SPRY3: variants seen among roughly 807,000 people sequenced by gnomAD.
The protein encoded by SPRY3 is sprouty RTK signaling antagonist 3, also known as protein sprouty homolog 3.
In SPRY3, 15 loss-of-function variants were observed where a neutral mutation model predicts 20.2. That is an observed-to-expected ratio of 0.74 (90% CI 0.50 to 1.14). The LOEUF (loss-of-function observed/expected upper bound fraction) is 1.14. Ranked by LOEUF, SPRY3 falls within the 50% of genes most tolerant of loss-of-function variation. The pLI is 0.00. For synonymous variants in SPRY3, 143 were observed against 136.5 expected (o/e 1.05, Z -0.33); for missense variants, 364 against 363.9 (o/e 1.00, Z 0.00).
intron 2 of SPRY3, among the ~76,000 whole-genome samples, chrX:155,731,615 A>G (rs775912513): frequency 6.6e-6 from 1 of 152,212 alleles, no homozygotes; most frequent in East Asian, 1.9e-4. Flanking sequence ...TTCTTAAGTC[A>G]TATCCCACAA....
chrX:155,639,034 C>T (rs1346356404), intron 1 of SPRY3, among the ~76,000 whole-genome samples: 1 of 111,650 alleles, frequency 9.0e-6, no homozygotes, highest in East Asian at 2.8e-4. Flanking sequence ...ACTGCTTCCT[C>T]CTTTTGTCCC....
At chrX:155,666,537 A>C (rs2068025051) in intron 2 of SPRY3, among the ~76,000 whole-genome samples, 1 of 111,380 alleles carries the variant, frequency 9.0e-6, no homozygotes, top group Non-Finnish European at 1.9e-5. Flanking sequence ...GGGAAGCAGA[A>C]GCGTAAACAG....
At chrX:155,778,757 AT>A (rs2091445312), downstream of SPRY3, 1 of 167,038 alleles carries the variant, frequency 6.0e-6, no homozygotes, top group Non-Finnish European at 1.5e-5. Context: ...CAATGTCAAC[AT>A]TTTATAGCTG....
At chrX:155,752,636 A>G (rs1220506976) in intron 2 of SPRY3, among the ~76,000 whole-genome samples, 4 of 151,876 alleles carry the variant, frequency 2.6e-5, no homozygotes, top group African/African-American at 7.2e-5. Flanking sequence ...AATGAGACAT[A>G]TAAATAGCCA....
intron 1 of SPRY3, among the ~76,000 whole-genome samples, chrX:155,620,196 A>T (rs977646756): frequency 9.0e-6 from 1 of 111,504 alleles, no homozygotes; most frequent in Middle Eastern, 4.2e-3. Flanking sequence ...TCTTAGTTAA[A>T]CACACTTTAG....
At chrX:155,680,586 A>G (rs2068071699) in intron 2 of SPRY3, among the ~76,000 whole-genome samples, 1 of 111,418 alleles carries the variant, frequency 9.0e-6, no homozygotes. Context: ...GGCAGGAAAG[A>G]GATGATCAGT....
At chrX:155,654,792 T>C (rs2067987322) in intron 1 of SPRY3, among the ~76,000 whole-genome samples, 1 of 109,503 alleles carries the variant, frequency 9.1e-6, no homozygotes, top group African/African-American at 3.3e-5. Flanking sequence ...GTTGATTCCA[T>C]GACTTTGCTA....
At chrX:155,776,341 A>C (rs1194830139) in exon 4 of SPRY3, 2 of 167,062 alleles carry the variant, frequency 1.2e-5, no homozygotes, top group Non-Finnish European at 2.9e-5. Context: ...TGCTGCACAC[A>C]CTGTGCTTGC....
At chrX:155,687,275 A>C (rs1388292521) in intron 2 of SPRY3, among the ~76,000 whole-genome samples, 1 of 112,738 alleles carries the variant, frequency 8.9e-6, no homozygotes, top group African/African-American at 3.2e-5. Flanking sequence ...TTGATCAGGC[A>C]ATGTGCCAAG....
intron 2 of SPRY3, among the ~76,000 whole-genome samples, chrX:155,687,326 C>T (rs749581382): frequency 7.4e-4 from 83 of 112,822 alleles, no homozygotes; most frequent in Non-Finnish European, 1.1e-3. Flanking sequence ...GACATGCTTG[C>T]TTTCCTTTCT....
At chrX:155,732,703 T>G (rs1343271773) in intron 2 of SPRY3, among the ~76,000 whole-genome samples, 2 of 152,080 alleles carry the variant, frequency 1.3e-5, no homozygotes, top group Non-Finnish European at 1.5e-5. Context: ...TACACTCCCA[T>G]GTTTATTGCA....
chrX:155,778,043 G>A (rs1311923458), downstream of SPRY3: 1 of 166,742 alleles, frequency 6.0e-6, no homozygotes, highest in Admixed American at 6.6e-5. Flanking sequence ...CTACAACATA[G>A]GTATCATTCC....
chrX:155,734,323 A>T (rs1377714733), intron 2 of SPRY3, among the ~76,000 whole-genome samples: 1 of 152,050 alleles, frequency 6.6e-6, no homozygotes, highest in Non-Finnish European at 1.5e-5. Flanking sequence ...AGCCCTGAGG[A>T]GAAGGAAAGA....
At chrX:155,767,644 G>A (rs1415626221) in intron 2 of SPRY3, among the ~76,000 whole-genome samples, 2 of 148,062 alleles carry the variant, frequency 1.4e-5, no homozygotes, top group East Asian at 2.0e-4. Flanking sequence ...GGGGGAGGGG[G>A]AAGAGAAACA....
At chrX:155,614,720 T>A (rs1302143751) in intron 1 of SPRY3, among the ~76,000 whole-genome samples, 1 of 111,250 alleles carries the variant, frequency 9.0e-6, no homozygotes, top group Admixed American at 9.5e-5. Context: ...AAATTTTACT[T>A]GTAATAAAAT....
At chrX:155,763,854 C>T (rs1426916980) in intron 2 of SPRY3, among the ~76,000 whole-genome samples, 1 of 152,170 alleles carries the variant, frequency 6.6e-6, no homozygotes, top group South Asian at 2.1e-4. Context: ...GTTAGATATA[C>T]TCTCCCTTCT....
intron 1 of SPRY3, among the ~76,000 whole-genome samples, chrX:155,655,710 C>G (rs1431586386): frequency 9.0e-6 from 1 of 111,056 alleles, no homozygotes; most frequent in Non-Finnish European, 1.9e-5. Context: ...CATTTTTATA[C>G]CACTACCGTG....
chrX:155,647,076 G>C, intron 1 of SPRY3, among the ~76,000 whole-genome samples: 1 of 111,219 alleles, frequency 9.0e-6, no homozygotes, highest in Non-Finnish European at 1.9e-5. Context: ...CCTTCATGCT[G>C]TCCACATAGT....
intron 2 of SPRY3, among the ~76,000 whole-genome samples, chrX:155,713,882 T>A (rs1262022584): frequency 1.3e-5 from 2 of 152,182 alleles, no homozygotes; most frequent in African/African-American, 2.4e-5. Flanking sequence ...TTCATTTTTT[T>A]ATTCTTTTTT....
Sources: gnomAD v4.1 joint callset for allele counts (sites outside exome capture counted in the v4.1 genomes callset) on GRCh38, gnomAD v4.1.1 for gene constraint, MANE v1.5 for transcripts, NCBI Gene and HGNC (gene_info 2026-07-23, HGNC 2026-07-21) for gene names.